BAZ1B: variants seen among roughly 807,000 people sequenced by gnomAD.
The protein encoded by BAZ1B is bromodomain adjacent to zinc finger domain 1B.
Under a neutral mutation model 153.8 loss-of-function variants are expected in BAZ1B, and 22 were observed. The observed-to-expected ratio is 0.14, with a 90% CI of 0.10 to 0.20. The LOEUF is 0.20. Among genes scored for constraint, BAZ1B ranks in the 10% least tolerant of loss-of-function variants. The probability of loss-of-function intolerance (pLI) is 1.00; values close to 1 mark genes in which losing one functional copy is unlikely to be tolerated. For synonymous variants in BAZ1B, 676 were observed against 633.4 expected (o/e 1.07, Z -1.01); for missense variants, 1,325 against 1,799.3 (o/e 0.74, Z 4.77).
chr7:73,447,718 A>G (rs1213433453), intron 15 of BAZ1B, among the ~76,000 whole-genome samples: 4 of 152,232 alleles, frequency 2.6e-5, no homozygotes, highest in Non-Finnish European at 5.9e-5. Flanking sequence ...AAAGAGCCAG[A>G]TAATGTAATA....
intron 8 of BAZ1B, 149 bp downstream of exon 8, chr7:73,470,196 T>A: frequency 1.1e-6 from 1 of 918,798 alleles, no homozygotes; most frequent in Non-Finnish European, 1.6e-6. Flanking sequence ...TGGCAGTTAA[T>A]ATTCAATAAT....
At chr7:73,521,044 T>C (rs1237948599) in intron 1 of BAZ1B, among the ~76,000 whole-genome samples, 1 of 152,232 alleles carries the variant, frequency 6.6e-6, no homozygotes, top group African/African-American at 2.4e-5. Flanking sequence ...ATGCTTCCTT[T>C]GTAAAACATC....
intron 13 of BAZ1B, among the ~76,000 whole-genome samples, chr7:73,455,029 T>G (rs1210222740): frequency 6.7e-5 from 10 of 148,418 alleles, no homozygotes; most frequent in Non-Finnish European, 1.0e-4. Context: ...ACACTCGGGG[T>G]GTGTGTGTGT....
chr7:73,460,192 G>GAA lies in BAZ1B; in HGVS notation c.3250-476_3250-475dup, dbSNP rs782211272. Among the ~76,000 whole-genome samples the GAA allele has an allele frequency of 2.6e-3, 195 of 73,856 alleles. 5 individuals are homozygous for GAA. Among genetic ancestry groups the GAA allele is most frequent in the African/African-American group, 8.1e-3 (165 of 20,472 alleles). The allele number at this position is 73,856 out of a possible 152,430, so 48.5% of individuals were successfully genotyped here. Reference sequence around the variant, plus strand: ...TGACACAGCGAGACTCCGTCTCAGGGAAAAAAAAAAAAAAAAAAAAAAAAA... The same window carrying GAA: ...TGACACAGCGAGACTCCGTCTCAGGGAAAAAAAAAAAAAAAAAAAAAAAAAAA... On this transcript the variant is annotated intron_variant, in intron 12 of 19. Transcript: ENST00000339594.
chr7:73,489,374 T>C lies in BAZ1B; in HGVS notation c.711A>G (p.Pro237=). 1 of 1,614,210 alleles carries C rather than the reference T, an allele frequency of 6.2e-7. No homozygotes were observed. Among genetic ancestry groups the C allele is most frequent in the Non-Finnish European group, 8.5e-7 (1 of 1,180,034 alleles). Residue 237 remains proline, a synonymous_variant, in exon 6 of 20, where the codon CCA becomes CCG. Transcript: ENST00000339594. ...QNEDKIISNV[P]ADSLIRTERP... Reference sequence around the variant, plus strand: ...GCTCTGTACGAATCAAGCTGTCTGCTGGCACGTTACTGATGATCTAGGTTA... The same window carrying C: ...GCTCTGTACGAATCAAGCTGTCTGCCGGCACGTTACTGATGATCTAGGTTA...
intron 6 of BAZ1B, among the ~76,000 whole-genome samples, chr7:73,482,112 G>A (rs1789226163): frequency 6.6e-6 from 1 of 152,170 alleles, no homozygotes; most frequent in Non-Finnish European, 1.5e-5. Flanking sequence ...TCCTTAGAAT[G>A]GGCTGACAAA....
Position 73,440,727 on chromosome 7 carries a change from C to A in BAZ1B, c.*982G>T, listed in dbSNP as rs1441128065. The A allele has an allele frequency of 5.9e-5, 9 of 152,558 alleles. No homozygotes were observed. Among genetic ancestry groups the A allele is most frequent in the Non-Finnish European group, 1.5e-5 (1 of 68,062 alleles). 9.5% of individuals were successfully genotyped at this position (152,558 alleles called of 1,614,324 possible). A position where few individuals can be genotyped will look rare whatever the true frequency, so the allele number is the denominator to read the frequency against. ...TCCTTGGGCAGGAGGACGGAGGAAG[C>A]AGAGGCCACATTCCGCAGTTTAAAA... is the stretch of plus-strand genomic sequence containing the variant. On this transcript the variant is annotated 3_prime_UTR_variant, in exon 20 of 20. Coordinates refer to ENST00000339594, the MANE Select transcript of BAZ1B (RefSeq NM_032408.4).
chr7:73,500,882 T>G (rs1296699910), intron 3 of BAZ1B, among the ~76,000 whole-genome samples: 1 of 123,494 alleles, frequency 8.1e-6, no homozygotes, highest in African/African-American at 3.3e-5. Context: ...CAAGCAAAAC[T>G]CTGTTTATAA....
At chr7:73,468,250 G>A (rs547565148) in intron 9 of BAZ1B, among the ~76,000 whole-genome samples, 94 of 152,226 alleles carry the variant, frequency 6.2e-4, no homozygotes, top group South Asian at 1.7e-3. Context: ...AGTGGTTCTC[G>A]AAAGGGAGCA....
intron 3 of BAZ1B, among the ~76,000 whole-genome samples, chr7:73,503,415 G>T (rs936441538): frequency 2.0e-5 from 3 of 151,660 alleles, no homozygotes; most frequent in Non-Finnish European, 4.4e-5. Flanking sequence ...TTGCTATGTT[G>T]CCCAGGCTGG....
intron 16 of BAZ1B, among the ~76,000 whole-genome samples, chr7:73,445,634 G>A (rs1787805714): frequency 6.6e-6 from 1 of 152,142 alleles, no homozygotes; most frequent in Non-Finnish European, 1.5e-5. Context: ...ACTTCGGGAG[G>A]CCAAGGCAGG....
intron 3 of BAZ1B, among the ~76,000 whole-genome samples, chr7:73,503,280 C>T (rs1383659116): frequency 6.6e-6 from 1 of 152,136 alleles, no homozygotes; most frequent in Non-Finnish European, 1.5e-5. Context: ...TACATTATCT[C>T]ACTATGGTTT....
At chr7:73,502,362 T>A (rs1392856659) in intron 3 of BAZ1B, among the ~76,000 whole-genome samples, 2 of 152,080 alleles carry the variant, frequency 1.3e-5, no homozygotes, top group Non-Finnish European at 2.9e-5. Context: ...ATCTACTTTT[T>A]TTTTTATCAC....
intron 6 of BAZ1B, among the ~76,000 whole-genome samples, chr7:73,479,361 T>C (rs894976604): frequency 6.6e-6 from 1 of 151,588 alleles, no homozygotes; most frequent in African/African-American, 2.4e-5. Context: ...ATGCAAAAAT[T>C]AGCCAGGCAT....
chr7:73,464,436 C>T (rs936441246), intron 11 of BAZ1B, among the ~76,000 whole-genome samples: 3 of 152,268 alleles, frequency 2.0e-5, no homozygotes, highest in South Asian at 2.1e-4. Context: ...AATTCCAAAA[C>T]ATTTTCATCA....
chr7:73,450,756 C>A lies in BAZ1B; in HGVS notation c.3580+91G>T. The A allele has an allele frequency of 2.7e-6, 4 of 1,463,116 alleles. No homozygotes were observed. The highest frequency in any genetic ancestry group is 1.2e-5 in the South Asian group (1 of 81,314). The allele number at this position is 1,463,116 out of a possible 1,614,324, so 90.6% of individuals were successfully genotyped here. ...CTATACCACACTTATATTCTGTGTA[C>A]ACAAAATTCTTTTGGGTAGAAATGA... On this transcript the variant is annotated intron_variant, in intron 14 of 19. Transcript: ENST00000339594. The surrounding 1 kb of genome is among the most constrained non-coding windows in gnomAD (Gnocchi z 4.1).
intron 13 of BAZ1B, among the ~76,000 whole-genome samples, chr7:73,451,726 A>G (rs1788032261): frequency 6.6e-6 from 1 of 152,230 alleles, no homozygotes; most frequent in Non-Finnish European, 1.5e-5. Flanking sequence ...ATATTTCAAC[A>G]TCTGCTTTGA....
chr7:73,486,724 CAA>C (rs1164806173), intron 6 of BAZ1B, among the ~76,000 whole-genome samples: 5 of 152,238 alleles, frequency 3.3e-5, no homozygotes, highest in African/African-American at 1.2e-4. Flanking sequence ...CTACAAAAAC[CAA>C]AGAGTATACA....
intron 12 of BAZ1B, among the ~76,000 whole-genome samples, chr7:73,460,174 G>C (rs540780910): frequency 7.2e-6 from 1 of 139,618 alleles, no homozygotes; most frequent in Non-Finnish European, 1.5e-5. Context: ...GGGTGACACA[G>C]CGAGACTCCG....
Sources: allele counts gnomAD v4.1 joint callset (sites outside exome capture counted in the v4.1 genomes callset), GRCh38; gene constraint gnomAD v4.1.1; non-coding constraint Gnocchi (gnomAD v3.1); transcripts MANE v1.5; gene names NCBI Gene and HGNC (gene_info 2026-07-23, HGNC 2026-07-21).